IRAG1: variants seen among roughly 807,000 people sequenced by gnomAD.
The protein encoded by IRAG1 is IP3R-associated cGMP kinase substrate.
Under a neutral mutation model 106.2 loss-of-function variants are expected in IRAG1, and 62 were observed. The ratio of observed to expected loss-of-function variants is 0.58; its 90% CI spans 0.48 to 0.72. The LOEUF (loss-of-function observed/expected upper bound fraction) is 0.72. Among genes scored for constraint, IRAG1 ranks in the 30% least tolerant of loss-of-function variants. The pLI, the probability that IRAG1 is intolerant of heterozygous loss-of-function variation, is 0.00. For synonymous variants in IRAG1, 462 were observed against 443.9 expected (o/e 1.04, Z -0.51); for missense variants, 1,064 against 1,140.7 (o/e 0.93, Z 0.97).
rs144203287 is a variant in IRAG1, at chr11:10,602,524, G to A, written c.1875+596C>T. Among the ~76,000 whole-genome samples the A allele has an allele frequency of 7.3e-3, 1,114 of 152,312 alleles. 11 individuals are homozygous for A. The highest frequency in any genetic ancestry group is 0.025 in the African/African-American group (1,048 of 41,560). Reference sequence around the variant, plus strand: ...GGGGGGCCGGGGCGGGGCTCTGTATGCTTCAGGACTTCAAAGTGGCCAAGA... The same window carrying A: ...GGGGGGCCGGGGCGGGGCTCTGTATACTTCAGGACTTCAAAGTGGCCAAGA... On this transcript the variant is annotated intron_variant, in intron 14 of 20. Transcript: ENST00000423302.
chr11:10,683,614 C>T (rs11042916), intron 1 of IRAG1, among the ~76,000 whole-genome samples: 36,460 of 152,032 alleles, frequency 0.24, 4,511 homozygotes, highest in Middle Eastern at 0.3. Context: ...AACTTGGGCT[C>T]CTTTGCTTGC....
intron 19 of IRAG1, 107 bp from the exon 20 acceptor site, chr11:10,580,696 C>T: frequency 7.5e-7 from 1 of 1,332,036 alleles, no homozygotes; most frequent in East Asian, 2.3e-5. Flanking sequence ...TAATTATGTG[C>T]TTCCTATGGT....
At chr11:10,693,418 C>T in intron 1 of IRAG1, 118 bp downstream of exon 1, 1 of 1,463,978 alleles carries the variant, frequency 6.8e-7, no homozygotes, top group East Asian at 2.5e-5. Flanking sequence ...AGCCAGCTCC[C>T]CTGGAAAGTT....
intron 2 of IRAG1, among the ~76,000 whole-genome samples, chr11:10,636,107 C>G (rs953485278): frequency 6.6e-6 from 1 of 152,206 alleles, no homozygotes; most frequent in Non-Finnish European, 1.5e-5. Context: ...TTTAACCTCT[C>G]TATGATCCAT....
intron 2 of IRAG1, among the ~76,000 whole-genome samples, chr11:10,637,008 C>T (rs1857194494): frequency 6.6e-6 from 1 of 152,242 alleles, no homozygotes; most frequent in Middle Eastern, 3.4e-3. Flanking sequence ...TGAAGGACCT[C>T]GAAGCTACTC....
intron 1 of IRAG1, chr11:10,687,868 C>CT (rs61314456): frequency 0.21 from 222,577 of 1,043,640 alleles, 24,073 homozygotes; most frequent in Middle Eastern, 0.27. Context: ...TTTAGCTTTG[C>CT]TTTTTTTTGG....
At chr11:10,617,019 T>C (rs1855487655) in intron 10 of IRAG1, 1 of 962,342 alleles carries the variant, frequency 1.0e-6, no homozygotes, top group Non-Finnish European at 1.2e-6. Context: ...AAGCTGCTAG[T>C]TGGGGATAAA....
At chr11:10,691,047 G>T (rs1862017566) in intron 1 of IRAG1, among the ~76,000 whole-genome samples, 1 of 152,126 alleles carries the variant, frequency 6.6e-6, no homozygotes, top group Admixed American at 6.5e-5. Flanking sequence ...GCGGCTGAGG[G>T]GCAGTCCAGG....
At chr11:10,615,995 T>C (rs185573907) in intron 10 of IRAG1, among the ~76,000 whole-genome samples, 1 of 105,688 alleles carries the variant, frequency 9.5e-6, no homozygotes, top group African/African-American at 2.7e-5. Flanking sequence ...TATAATATAC[T>C]ACGATTTATG....
At chr11:10,643,284 G>A (rs1857682604) in intron 2 of IRAG1, among the ~76,000 whole-genome samples, 1 of 151,466 alleles carries the variant, frequency 6.6e-6, no homozygotes, top group Non-Finnish European at 1.5e-5. Context: ...CCTCTGCTGA[G>A]TTCTGCTGGA....
At chr11:10,637,930 G>A (rs1051843563) in intron 2 of IRAG1, among the ~76,000 whole-genome samples, 1 of 152,218 alleles carries the variant, frequency 6.6e-6, no homozygotes, top group African/African-American at 2.4e-5. Context: ...GAAGAAGAAG[G>A]AATAGGGAGT....
intron 7 of IRAG1, 28 bp downstream of exon 7, chr11:10,627,945 C>T: frequency 1.3e-6 from 2 of 1,592,874 alleles, no homozygotes; most frequent in Non-Finnish European, 1.7e-6. Flanking sequence ...GGCATAGAAA[C>T]AGCACAGCAG....
At chr11:10,680,520 GAAGA>G (rs1033868940) in intron 1 of IRAG1, among the ~76,000 whole-genome samples, 40 of 132,414 alleles carry the variant, frequency 3.0e-4, no homozygotes, top group African/African-American at 1.3e-3. Flanking sequence ...AAAAAGAAAG[GAAGA>G]AAGGAAGGAA....
chr11:10,586,942 A>C (rs1180360805), intron 18 of IRAG1, among the ~76,000 whole-genome samples: 1 of 152,242 alleles, frequency 6.6e-6, no homozygotes, highest in Non-Finnish European at 1.5e-5. Context: ...TGTAAAAGGC[A>C]CAAGTCCTCT....
Position 10,629,719 on chromosome 11 carries a change from A to G in IRAG1, c.401-8T>C. 1 of 1,612,046 alleles carries G rather than the reference A, an allele frequency of 6.2e-7. No homozygotes were observed. ...TGATGTGCCCCGCGGGGTCTGCAGA[A>G]GGAGGATGAGCTGGGGTGAGAGCCA... is the stretch of plus-strand genomic sequence containing the variant. On this transcript the variant is annotated splice_region_variant and splice_polypyrimidine_tract_variant and intron_variant, in intron 4 of 20. Coordinates refer to ENST00000423302, the MANE Select transcript of IRAG1 (RefSeq NM_130385.4).
intron 1 of IRAG1, chr11:10,652,501 G>T: frequency 2.3e-6 from 1 of 441,274 alleles, no homozygotes; most frequent in Non-Finnish European, 3.8e-6. Flanking sequence ...AGATCACATT[G>T]GCAGTTGTTT....
At chr11:10,625,841 G>T in intron 9 of IRAG1, 125 bp downstream of exon 9, 1 of 961,620 alleles carries the variant, frequency 1.0e-6, no homozygotes, top group Non-Finnish European at 1.4e-6. Context: ...GAAAATTTAC[G>T]CCCTCACAAG....
At chr11:10,606,662 A>G (rs1854501443) in intron 12 of IRAG1, 80 bp downstream of exon 12, 4 of 1,397,764 alleles carry the variant, frequency 2.9e-6, no homozygotes, top group Admixed American at 4.5e-5. Context: ...TGTCAGAGCT[A>G]GAGTCTGGAG....
chr11:10,670,168 A>G (rs1860107509), intron 1 of IRAG1, among the ~76,000 whole-genome samples: 1 of 152,246 alleles, frequency 6.6e-6, no homozygotes. Flanking sequence ...CCAACAGAGA[A>G]CAAAATTGAG....
Sources: allele counts gnomAD v4.1 joint callset (sites outside exome capture counted in the v4.1 genomes callset), GRCh38; gene constraint gnomAD v4.1.1; transcripts MANE v1.5; gene names NCBI Gene and HGNC (gene_info 2026-07-23, HGNC 2026-07-21).